KNDC1: variants seen among roughly 807,000 people sequenced by gnomAD.
The protein encoded by KNDC1 is kinase non-catalytic C-lobe domain-containing protein 1.
In KNDC1, 106 loss-of-function variants were observed where a neutral mutation model predicts 172.8. The ratio of observed to expected loss-of-function variants is 0.61; its 90% CI spans 0.52 to 0.72. The LOEUF (loss-of-function observed/expected upper bound fraction) is 0.72, where lower values mean the gene tolerates loss of function less well. Among genes scored for constraint, KNDC1 ranks in the 30% least tolerant of loss-of-function variants. The pLI is 0.00. For missense variants in KNDC1, 2,325 were observed against 2,394.5 expected, an observed-to-expected ratio of 0.97 and a Z score of 0.61; for synonymous variants, 1,083 against 1,062.2, an observed-to-expected ratio of 1.02 and a Z score of -0.38.
In KNDC1 at chr10:133,224,661, A is replaced by C; in HGVS notation, c.5021A>C (p.Asn1674Thr). The change falls in exon 30 of 30, where the codon AAC becomes ACC. Residue 1674 changes from asparagine (N) to threonine (T), a missense_variant and splice_region_variant. Physicochemically the swap from Asn to Thr is moderately conservative, Grantham distance 65. Coordinates refer to ENST00000304613, the MANE Select transcript of KNDC1 (RefSeq NM_152643.8). This position sits in a 1 kb window ranked among gnomAD's most constrained non-coding sequence, Gnocchi z 5.4. ...NGAHRWSKLR[N>T]IAKVVSQVHA... ...GTCTCTTCTTTCCTCAACGGAAGGA[A>C]CATCGCAAAGGTGGTGAGCCAGGTG... 2 of 1,613,552 alleles carry C rather than the reference A, an allele frequency of 1.2e-6. No individual in the cohort carries two copies. Among genetic ancestry groups the C allele is most frequent in the Non-Finnish European group, 1.7e-6 (2 of 1,179,572 alleles).
intron 29 of KNDC1, among the ~76,000 whole-genome samples, chr10:133,222,552 A>T (rs1433272813): frequency 9.4e-5 from 3 of 31,898 alleles, no homozygotes; most frequent in East Asian, 5.2e-4. Flanking sequence ...TGTGTGTGAG[A>T]GCCCATCCAG....
chr10:133,195,553 C>A, intron 9 of KNDC1, 110 bp from the exon 10 acceptor site: 2 of 1,071,488 alleles, frequency 1.9e-6, no homozygotes, highest in Non-Finnish European at 2.5e-6. Context: ...GAGAGCCCCT[C>A]TGTGGGGGCA....
Position 133,167,424 on chromosome 10 carries a change from G to T in KNDC1, c.146G>T (p.Gly49Val). The change falls in exon 2 of 30, where the codon GGC (glycine) becomes GTC (valine). Residue 49 changes from glycine (G) to valine (V), a missense_variant. Transcript: ENST00000304613. ...LADILSLRDRGLSEQEAWAVC... is the reference protein window; with the variant it reads ...LADILSLRDRVLSEQEAWAVC... ...GACATCCTCTCCCTGCGGGACCGCG[G>T]CCTCAGCGAGCAGGAAGCCTGGGCC... is the stretch of plus-strand genomic sequence containing the variant. 1 of 1,604,154 alleles carries T rather than the reference G, an allele frequency of 6.2e-7. No individual in the cohort carries two copies. The highest frequency in any genetic ancestry group is 8.5e-7 in the Non-Finnish European group (1 of 1,176,818).
Position 133,207,347 on chromosome 10 carries a change from T to C in KNDC1, c.3790T>C (p.Ser1264Pro), listed in dbSNP as rs1845229915. ...TPLGLMAYLY[S>P]SDAFLEGYVQ... is the part of the protein sequence containing the mutation. The stretch of plus-strand genomic sequence containing the variant: ...GCTGGGGCTCATGGCCTACCTGTAC[T>C]CCAGGTGCGTTGGGAGAAAAGCTCA... Residue 1264 changes from serine (S) to proline (P), a missense_variant, in exon 20 of 30, where the codon TCC (serine) becomes CCC (proline). Physicochemically the swap from Ser to Pro is moderately conservative, Grantham distance 74. Coordinates refer to ENST00000304613, the MANE Select transcript of KNDC1 (RefSeq NM_152643.8). 6.2e-7 allele frequency: 1 copy of C among 1,612,110 alleles called. No individual in the cohort carries two copies. Among genetic ancestry groups the C allele is most frequent in the Non-Finnish European group, 8.5e-7 (1 of 1,179,438 alleles).
chr10:133,208,468 GA>G (rs1845268570), intron 20 of KNDC1, among the ~76,000 whole-genome samples: 1 of 37,760 alleles, frequency 2.6e-5, no homozygotes, highest in African/African-American at 1.2e-4. Context: ...TTACCCCAAG[GA>G]CCCTCTAGAG....
chr10:133,217,949 C>A (rs1405408851), intron 26 of KNDC1, among the ~76,000 whole-genome samples: 1 of 151,866 alleles, frequency 6.6e-6, no homozygotes, highest in Admixed American at 6.6e-5. Context: ...AATCCCAGCA[C>A]TTTGAGAGGC....
chr10:133,172,772 C>G (rs11101605), intron 3 of KNDC1, among the ~76,000 whole-genome samples: 4,313 of 152,258 alleles, frequency 0.028, 57 homozygotes, highest in Middle Eastern at 0.034. Context: ...GAGGCCGAGT[C>G]AGGAGGATCA....
intron 9 of KNDC1, among the ~76,000 whole-genome samples, chr10:133,190,208 C>T (rs538430321): frequency 7.2e-5 from 11 of 152,214 alleles, no homozygotes; most frequent in East Asian, 3.9e-4. Context: ...GTGTACTTCC[C>T]GCTCCTCCCA....
intron 16 of KNDC1, 132 bp from the exon 17 acceptor site, chr10:133,201,369 G>T (rs1212490366): frequency 5.2e-6 from 5 of 968,056 alleles, no homozygotes; most frequent in Admixed American, 4.8e-5. Context: ...TGCCCGGGGG[G>T]CGCCCGTGGT....
At chr10:133,221,805 G>A (rs796783386) in intron 29 of KNDC1, among the ~76,000 whole-genome samples, 1 of 152,070 alleles carries the variant, frequency 6.6e-6, no homozygotes, top group Non-Finnish European at 1.5e-5. Flanking sequence ...GGCCAGACGC[G>A]GCGGCTCACG....
chr10:133,218,866 T>C lies in KNDC1; in HGVS notation c.4713T>C (p.Ile1571=). The C allele has an allele frequency of 6.2e-7, 1 of 1,613,278 alleles. No individual in the cohort carries two copies. Among genetic ancestry groups the C allele is most frequent in the Non-Finnish European group, 8.5e-7 (1 of 1,179,288 alleles). The part of the protein sequence containing the change: ...QVNLLSKFLL[I]AKSCYEQRNF... The stretch of plus-strand genomic sequence containing the variant: ...ACTTGCTGTCCAAATTTTTGCTGAT[T>C]GCAAAATCTTGCTATGAGCAGAGAA... Residue 1571 remains isoleucine, a synonymous_variant, in exon 27 of 30, where the codon ATT becomes ATC. Transcript: ENST00000304613.
intron 26 of KNDC1, among the ~76,000 whole-genome samples, chr10:133,215,780 G>A (rs776950431): frequency 1.6e-4 from 25 of 152,348 alleles, no homozygotes; most frequent in Non-Finnish European, 3.7e-4. Context: ...ATGGCCGCTC[G>A]TCCTGGTCAC....
chr10:133,220,817 G>A (rs1016121430), intron 29 of KNDC1, among the ~76,000 whole-genome samples: 1 of 151,198 alleles, frequency 6.6e-6, no homozygotes, highest in African/African-American at 2.4e-5. Flanking sequence ...GCGCGCCCAG[G>A]TCAGGAGGGG....
chr10:133,183,258 G>C (rs1853778076), intron 3 of KNDC1, 86 bp from the exon 4 acceptor site: 6 of 1,415,706 alleles, frequency 4.2e-6, no homozygotes, highest in Non-Finnish European at 5.7e-6. Context: ...CCTGAAACTT[G>C]AGCTCCTGGC....
intron 5 of KNDC1, among the ~76,000 whole-genome samples, chr10:133,185,605 T>C (rs1033525396): frequency 3.9e-5 from 6 of 152,028 alleles, no homozygotes; most frequent in African/African-American, 1.4e-4. Flanking sequence ...ATCCAGGTTC[T>C]TCCTGTGGGG....
At chr10:133,168,091 A>C (rs1338955857) in intron 2 of KNDC1, among the ~76,000 whole-genome samples, 163 bp from the exon 3 acceptor site, 1 of 152,120 alleles carries the variant, frequency 6.6e-6, no homozygotes, top group East Asian at 1.9e-4. Context: ...CATAACCGTT[A>C]AGGAGCTGAT....
rs1455148293 is a variant in KNDC1 at position 133,211,459 on chromosome 10, T to C, written c.3946T>C (p.Tyr1316His). The stretch of plus-strand genomic sequence containing the variant: ...CCCCACCTCGACCTTCACCAAGATC[T>C]ACAGGCGGAGCCTCTGCGTCCTGCA... ...QDPTSTFTKI[Y>H]RRSLCVLQAW... Residue 1316 changes from tyrosine (Y) to histidine (H), a missense_variant, in exon 22 of 30, where the codon TAC becomes CAC. Coordinates refer to ENST00000304613, the MANE Select transcript of KNDC1 (RefSeq NM_152643.8). 5 of 1,613,866 alleles carry C rather than the reference T, an allele frequency of 3.1e-6. No individual in the cohort carries two copies.
intron 15 of KNDC1, 75 bp from the exon 16 acceptor site, chr10:133,200,300 G>A: frequency 1.7e-6 from 2 of 1,162,938 alleles, no homozygotes; most frequent in Non-Finnish European, 2.4e-6. Flanking sequence ...GTGGGCCTGT[G>A]GGCCCCGCCC....
At position 133,201,327 on chromosome 10, in the gene KNDC1, A is replaced by G. The variant is rs867810085; in HGVS notation, c.2990-174A>G. ...GCCCCGTGCGGCAGTTCAGGGTCCC[A>G]GCATCTCCCCTGCACTGGGAGGCGG... is the stretch of plus-strand genomic sequence containing the variant. On this transcript the variant is annotated intron_variant, in intron 16 of 29. Coordinates refer to ENST00000304613, the MANE Select transcript of KNDC1 (RefSeq NM_152643.8). Among the ~76,000 whole-genome samples, 12 of 152,262 alleles carry G rather than the reference A, an allele frequency of 7.9e-5. No homozygotes were observed. In the South Asian group the frequency reaches 1.7e-3, roughly 21 times the overall value.
Sources: allele counts gnomAD v4.1 joint callset (sites outside exome capture counted in the v4.1 genomes callset), GRCh38; gene constraint gnomAD v4.1.1; non-coding constraint Gnocchi (gnomAD v3.1); transcripts MANE v1.5; gene names NCBI Gene and HGNC (gene_info 2026-07-23, HGNC 2026-07-21).